The following PTPRM variants were observed in gnomAD, a reference collection of about 807,000 sequenced individuals.
PTPRM encodes receptor-type tyrosine-protein phosphatase mu.
A neutral mutation model predicts 186.7 loss-of-function variants in PTPRM; 47 were observed. The observed-to-expected ratio is 0.25, with a 90% CI of 0.20 to 0.32. PTPRM has a LOEUF of 0.32. Among genes scored for constraint, PTPRM ranks in the 10% least tolerant of loss-of-function variants. PTPRM has a pLI of 1.00. For missense variants in PTPRM, 1,494 were observed against 1,865.0 expected (o/e 0.80, Z 3.66); for synonymous variants, 668 against 674.9 (o/e 0.99, Z 0.16).
intron 23 of PTPRM, among the ~76,000 whole-genome samples, chr18:8,345,188 C>G (rs926153737): frequency 1.4e-4 from 21 of 152,148 alleles, no homozygotes; most frequent in African/African-American, 5.1e-4. Flanking sequence ...GAAATACCAA[C>G]TAAGCATCTA....
intron 20 of PTPRM, among the ~76,000 whole-genome samples, chr18:8,310,291 C>T (rs959154195): frequency 6.6e-6 from 1 of 151,920 alleles, no homozygotes; most frequent in Non-Finnish European, 1.5e-5. Flanking sequence ...CTCCCACAGC[C>T]CTTCCAGTTC....
intron 14 of PTPRM, among the ~76,000 whole-genome samples, chr18:8,179,393 C>T (rs1053480316): frequency 6.6e-6 from 1 of 151,726 alleles, no homozygotes; most frequent in African/African-American, 2.4e-5. Flanking sequence ...ATACATTTAA[C>T]TCCTGTTCTA....
rs143895566 is a variant in PTPRM at position 8,344,430 on chromosome 18, A to ATGTG, written c.3054+926_3054+929dup. 2.8e-4 allele frequency among the ~76,000 whole-genome samples: 31 copies of ATGTG among 110,902 alleles called. 1 individual carries two copies. Among genetic ancestry groups the ATGTG allele is most frequent in the African/African-American group, 8.7e-4 (27 of 31,092 alleles). The allele number at this position is 110,902 out of a possible 152,430, so 72.8% of individuals were successfully genotyped here. On this transcript the variant is annotated intron_variant, in intron 23 of 32. Coordinates refer to ENST00000580170, the MANE Select transcript of PTPRM (RefSeq NM_001105244.2). ...CACAATATAAGTAGGAGATATATAT[A>ATGTG]TGTGTGTGTGTGTGTGTGTATATAT...
At chr18:7,706,075 AT>A (rs1328611559) in intron 1 of PTPRM, among the ~76,000 whole-genome samples, 3 of 150,360 alleles carry the variant, frequency 2.0e-5, no homozygotes, top group African/African-American at 7.3e-5. Flanking sequence ...AGAGAGTATG[AT>A]TTTTGTTACC....
At chr18:8,070,103 G>C (rs982469162) in intron 8 of PTPRM, 109 bp downstream of exon 8, 143 of 995,038 alleles carry the variant, frequency 1.4e-4, no homozygotes, top group Non-Finnish European at 1.9e-4. Flanking sequence ...TTATTTTGTT[G>C]AACAACACAA....
chr18:7,745,407 T>C (rs1424347601), intron 1 of PTPRM, among the ~76,000 whole-genome samples: 1 of 152,198 alleles, frequency 6.6e-6, no homozygotes, highest in Non-Finnish European at 1.5e-5. Flanking sequence ...GCCTGAACTT[T>C]GGTGTAACTT....
chr18:7,732,489 G>A (rs183532113), intron 1 of PTPRM, among the ~76,000 whole-genome samples: 3 of 152,166 alleles, frequency 2.0e-5, no homozygotes, highest in Admixed American at 2.0e-4. Context: ...TATAATATTT[G>A]ATTTTTTATT....
At chr18:7,827,762 C>T (rs916323740) in intron 2 of PTPRM, among the ~76,000 whole-genome samples, 9 of 152,166 alleles carry the variant, frequency 5.9e-5, no homozygotes, top group Admixed American at 2.0e-4. Context: ...CATGTGAGCA[C>T]GTGTGCCCAT....
chr18:7,669,396 G>C (rs946880856), intron 1 of PTPRM, among the ~76,000 whole-genome samples: 1 of 152,138 alleles, frequency 6.6e-6, no homozygotes, highest in Non-Finnish European at 1.5e-5. Flanking sequence ...TTAACTGAGA[G>C]GGTTTTGTGA....
intron 1 of PTPRM, among the ~76,000 whole-genome samples, chr18:7,612,573 C>A (rs1223727465): frequency 6.6e-6 from 1 of 152,138 alleles, no homozygotes; most frequent in Non-Finnish European, 1.5e-5. Flanking sequence ...TTTAAAATGT[C>A]TTACCTTCCA....
At chr18:8,341,848 C>T (rs1225119252) in intron 22 of PTPRM, among the ~76,000 whole-genome samples, 2 of 152,216 alleles carry the variant, frequency 1.3e-5, no homozygotes, top group African/African-American at 2.4e-5. Flanking sequence ...GTTTACTTGT[C>T]CCCTCTGTAA....
At chr18:7,896,754 A>G (rs986990158) in intron 3 of PTPRM, among the ~76,000 whole-genome samples, 10 of 152,130 alleles carry the variant, frequency 6.6e-5, no homozygotes, top group African/African-American at 2.4e-4. Flanking sequence ...TGCAGCAAGG[A>G]CTCAAAGGAA....
intron 2 of PTPRM, 40 bp downstream of exon 2, chr18:7,774,311 C>A (rs981610908): frequency 6.2e-7 from 1 of 1,603,106 alleles, no homozygotes; most frequent in African/African-American, 1.3e-5. Flanking sequence ...AAGAGGAACA[C>A]AAGAGTCTCA....
rs1242122889 is a variant in PTPRM, at chr18:7,760,804, G to T, written c.74-13345G>T. ...ATAGATGAATAGATGAGGAAAGCTT[G>T]TAAGTTGATAGGGTTGGACTCACCT... On this transcript the variant is annotated intron_variant, in intron 1 of 32. Transcript: ENST00000580170. 5.3e-5 allele frequency among the ~76,000 whole-genome samples: 8 copies of T among 152,314 alleles called. No homozygotes were observed. The East Asian group carries it at 5.8e-4, about 11-fold the overall frequency.
intron 20 of PTPRM, among the ~76,000 whole-genome samples, chr18:8,312,575 T>C (rs553028422): frequency 3.7e-4 from 56 of 152,234 alleles, no homozygotes; most frequent in African/African-American, 1.3e-3. Flanking sequence ...TCTCTTTATG[T>C]GTATTATTTT....
rs931254837 is a variant in PTPRM, at chr18:7,825,790, A to G, written c.196+51519A>G. On this transcript the variant is annotated intron_variant, in intron 2 of 32. Coordinates refer to ENST00000580170, the MANE Select transcript of PTPRM (RefSeq NM_001105244.2). ...GAAATATATTTTCAGTATCACCTGCATGCTAGGAGCTAGGGAGATGGTAGT... is the reference window on the plus strand; with the variant it reads ...GAAATATATTTTCAGTATCACCTGCGTGCTAGGAGCTAGGGAGATGGTAGT... Among the ~76,000 whole-genome samples, 6 of 152,218 alleles carry G rather than the reference A, an allele frequency of 3.9e-5. No homozygotes were observed. In the South Asian group the frequency reaches 6.2e-4, roughly 16 times the overall value.
chr18:8,176,769 A>G (rs1371736831), intron 14 of PTPRM, among the ~76,000 whole-genome samples: 1 of 152,226 alleles, frequency 6.6e-6, no homozygotes, highest in African/African-American at 2.4e-5. Context: ...AGGGAAAAAG[A>G]TCAAGGTCAG....
intron 1 of PTPRM, among the ~76,000 whole-genome samples, chr18:7,683,467 C>T (rs114007346): frequency 2.0e-3 from 312 of 152,258 alleles, no homozygotes; most frequent in African/African-American, 7.2e-3. Flanking sequence ...GCCACTGTGC[C>T]CAGCTTGGAT....
chr18:7,587,954 A>G (rs1448951724), intron 1 of PTPRM, among the ~76,000 whole-genome samples: 2 of 152,200 alleles, frequency 1.3e-5, no homozygotes, highest in Non-Finnish European at 2.9e-5. Flanking sequence ...TTAAATGGTA[A>G]AAAGAAATGA....
Sources: allele counts gnomAD v4.1 joint callset (sites outside exome capture counted in the v4.1 genomes callset), GRCh38; gene constraint gnomAD v4.1.1; transcripts MANE v1.5; gene names NCBI Gene and HGNC (gene_info 2026-07-23, HGNC 2026-07-21).